Variants in MACROD2 observed in about 807,000 individuals in gnomAD.
The protein encoded by MACROD2 is ADP-ribose glycohydrolase MACROD2.
In MACROD2, 36 loss-of-function variants were observed where a neutral mutation model predicts 70.4. The ratio of observed to expected loss-of-function variants is 0.51; its 90% CI spans 0.39 to 0.68. The LOEUF (loss-of-function observed/expected upper bound fraction) is 0.68. Ranked by LOEUF, MACROD2 falls within the 30% of genes least tolerant of loss-of-function variation. The pLI is 0.00. For synonymous variants in MACROD2, 172 were observed against 178.8 expected, an observed-to-expected ratio of 0.96 and a Z score of 0.30; for missense variants, 496 against 538.4, an observed-to-expected ratio of 0.92 and a Z score of 0.78.
chr20:14,723,323 TCAC>T (rs1296569756), intron 5 of MACROD2, among the ~76,000 whole-genome samples: 1 of 152,006 alleles, frequency 6.6e-6, no homozygotes, highest in Non-Finnish European at 1.5e-5. Context: ...GCAGCTCTAT[TCAC>T]TGGAAATGAG....
intron 5 of MACROD2, among the ~76,000 whole-genome samples, chr20:14,892,329 G>C (rs1459475133): frequency 6.6e-6 from 1 of 152,020 alleles, no homozygotes; most frequent in Non-Finnish European, 1.5e-5. Context: ...AAAAAAATTA[G>C]CCGGGCTTGG....
intron 5 of MACROD2, among the ~76,000 whole-genome samples, chr20:15,092,012 G>A (rs1169969539): frequency 3.3e-5 from 5 of 152,034 alleles, no homozygotes; most frequent in Non-Finnish European, 7.4e-5. Context: ...TTGTATTTCT[G>A]GTGCTTGGGA....
intron 7 of MACROD2, among the ~76,000 whole-genome samples, chr20:15,461,006 A>ATATATTTTTTTTTTTTT: frequency 6.0e-5 from 4 of 66,990 alleles, no homozygotes; most frequent in Non-Finnish European, 1.3e-4. Context: ...ATATATATAT[A>ATATATTTTTTTTTTTTT]TTTTTTTTTA....
chr20:14,554,282 AC>A (rs575131829), intron 4 of MACROD2: 3 of 152,060 alleles, frequency 2.0e-5, no homozygotes, highest in Non-Finnish European at 4.4e-5. Context: ...ATGACTGCTG[AC>A]GTTTCCTTTG....
At chr20:15,827,610 T>G (rs1309868649) in intron 8 of MACROD2, among the ~76,000 whole-genome samples, 2 of 152,228 alleles carry the variant, frequency 1.3e-5, no homozygotes, top group Non-Finnish European at 2.9e-5. Flanking sequence ...GTCCGTTGCC[T>G]TTCCCTCTTT....
rs569297418 is a variant in MACROD2 at position 15,750,694 on chromosome 20, G to A, written c.646-112051G>A. On this transcript the variant is annotated intron_variant, in intron 8 of 17. Coordinates refer to ENST00000684519, the MANE Select transcript of MACROD2 (RefSeq NM_001351661.2). The stretch of plus-strand genomic sequence containing the variant: ...GTTTATTGCAGCCCTGTTCACAACA[G>A]CCAAGATATAGAATCAACCCAAATA... 7.2e-5 allele frequency among the ~76,000 whole-genome samples: 11 copies of A among 152,100 alleles called. No individual in the cohort carries two copies. In the East Asian group the frequency reaches 2.1e-3, roughly 29 times the overall value.
intron 7 of MACROD2, among the ~76,000 whole-genome samples, chr20:15,474,737 A>T (rs2046999847): frequency 2.0e-5 from 3 of 152,210 alleles, no homozygotes; most frequent in Non-Finnish European, 4.4e-5. Context: ...AAGAGAAAGT[A>T]GTTCGTTCTT....
intron 3 of MACROD2, among the ~76,000 whole-genome samples, chr20:14,197,554 G>A (rs545641459): frequency 6.6e-6 from 1 of 152,190 alleles, no homozygotes; most frequent in East Asian, 1.9e-4. Flanking sequence ...GATCACCTGA[G>A]GTTGGGAGTT....
intron 3 of MACROD2, among the ~76,000 whole-genome samples, chr20:14,418,382 A>C (rs577256347): frequency 6.6e-6 from 1 of 152,142 alleles, no homozygotes; most frequent in Admixed American, 6.5e-5. Context: ...GAGGATTTGA[A>C]GTGAGAACGG....
chr20:16,020,636 G>A (rs1477943786), intron 15 of MACROD2, among the ~76,000 whole-genome samples: 1 of 150,144 alleles, frequency 6.7e-6, no homozygotes, highest in Non-Finnish European at 1.5e-5. Context: ...TGAGGACATT[G>A]ATTGTCTATC....
intron 5 of MACROD2, among the ~76,000 whole-genome samples, chr20:15,006,299 A>G (rs924057380): frequency 1.3e-5 from 2 of 152,022 alleles, no homozygotes; most frequent in African/African-American, 2.4e-5. Context: ...TGGAATTTTA[A>G]AAAGCTGAAT....
At chr20:15,548,009 T>A (rs2048046703) in intron 8 of MACROD2, among the ~76,000 whole-genome samples, 1 of 152,190 alleles carries the variant, frequency 6.6e-6, no homozygotes, top group African/African-American at 2.4e-5. Flanking sequence ...ATACTATGCT[T>A]TGGATTCATC....
intron 8 of MACROD2, among the ~76,000 whole-genome samples, chr20:15,639,882 T>C (rs1370832652): frequency 2.7e-5 from 4 of 146,370 alleles, no homozygotes; most frequent in African/African-American, 1.0e-4. Flanking sequence ...GAGAGAGATG[T>C]AGGAGAAAGG....
intron 6 of MACROD2, among the ~76,000 whole-genome samples, chr20:15,361,723 G>A (rs1465074771): frequency 6.6e-6 from 1 of 151,668 alleles, no homozygotes. Context: ...GATATTCTTT[G>A]ATTTTTTTTC....
chr20:15,890,615 C>T (rs897308212), intron 10 of MACROD2, among the ~76,000 whole-genome samples: 2 of 152,180 alleles, frequency 1.3e-5, no homozygotes, highest in African/African-American at 4.8e-5. Context: ...CAAAATTTTT[C>T]ACCCTGGCTG....
rs549407491 is a variant in MACROD2, at chr20:14,890,248, A to G, written c.418+205289A>G. Among the ~76,000 whole-genome samples, 3 of 152,228 alleles carry G rather than the reference A, an allele frequency of 2.0e-5. No homozygotes were observed. In the East Asian group the frequency reaches 5.8e-4, roughly 29 times the overall value. On this transcript the variant is annotated intron_variant, in intron 5 of 17. Coordinates refer to ENST00000684519, the MANE Select transcript of MACROD2 (RefSeq NM_001351661.2). ...GTTGTTGGTAAGTAGGAGGTATTTCAAGTCATGAGGATAGATGCAAACTCC... is the reference window on the plus strand; with the variant it reads ...GTTGTTGGTAAGTAGGAGGTATTTCGAGTCATGAGGATAGATGCAAACTCC...
rs1255027017 is a variant in MACROD2 at position 14,460,680 on chromosome 20, A to T, written c.272-32799A>T. ...CTTTTCTGCATCTGTTGAGATAATC[A>T]TGTGGTTTTTGTCATTGGTTCTGCT... On this transcript the variant is annotated intron_variant, in intron 3 of 17. Coordinates refer to ENST00000684519, the MANE Select transcript of MACROD2 (RefSeq NM_001351661.2). 2.6e-5 allele frequency among the ~76,000 whole-genome samples: 4 copies of T among 152,070 alleles called. 1 individual carries two copies. The highest frequency in any genetic ancestry group is 9.7e-5 in the African/African-American group (4 of 41,346).
intron 5 of MACROD2, among the ~76,000 whole-genome samples, chr20:14,869,388 T>C (rs1464965688): frequency 6.6e-6 from 1 of 152,084 alleles, no homozygotes; most frequent in African/African-American, 2.4e-5. Flanking sequence ...CTGTTGGAAG[T>C]GTTAGAGGAT....
At chr20:14,041,489 C>T (rs926277263) in intron 2 of MACROD2, among the ~76,000 whole-genome samples, 1 of 152,080 alleles carries the variant, frequency 6.6e-6, no homozygotes, top group African/African-American at 2.4e-5. Flanking sequence ...AGCAATGAGT[C>T]CAGATTGCAG....
Sources: allele counts gnomAD v4.1 joint callset (sites outside exome capture counted in the v4.1 genomes callset), GRCh38; gene constraint gnomAD v4.1.1; transcripts MANE v1.5; gene names NCBI Gene and HGNC (gene_info 2026-07-23, HGNC 2026-07-21).